The following ACOXL variants were observed in gnomAD, a reference collection of about 807,000 sequenced individuals.
The protein encoded by ACOXL is acyl-CoA oxidase like, also known as acyl-coenzyme A oxidase-like protein.
A neutral mutation model predicts 71.9 loss-of-function variants in ACOXL; 70 were observed. That is an observed-to-expected ratio of 0.97 (90% CI 0.80 to 1.19). The LOEUF is 1.19. Among genes scored for constraint, ACOXL ranks in the 50% most tolerant of loss-of-function variants. The pLI is 0.00. For missense variants in ACOXL, 703 were observed against 736.3 expected (o/e 0.95, Z 0.52); for synonymous variants, 253 against 281.6 (o/e 0.90, Z 1.02).
In ACOXL at chr2:111,049,249, G is replaced by T. The variant is rs745354323; in HGVS notation, c.1401G>T (p.Lys467Asn). Residue 467 changes from lysine (K) to asparagine (N), a missense_variant, in exon 16 of 18, where the codon AAG becomes AAT. Transcript: ENST00000439055. ...VTLEQFSLAV[K>N]SCPDQEDQTL... Reference sequence around the variant, plus strand: ...TAGAGCAGTTCTCCCTAGCAGTGAAGAGCTGTCCTGACCAAGAGGACCAGA... The same window carrying T: ...TAGAGCAGTTCTCCCTAGCAGTGAATAGCTGTCCTGACCAAGAGGACCAGA... 1 of 1,612,950 alleles carries T rather than the reference G, an allele frequency of 6.2e-7. No homozygotes were observed. The highest frequency in any genetic ancestry group is 1.7e-5 in the Admixed American group (1 of 60,022).
chr2:110,747,354 C>T (rs1415153683), intron 1 of ACOXL, among the ~76,000 whole-genome samples: 1 of 152,186 alleles, frequency 6.6e-6, no homozygotes, highest in Non-Finnish European at 1.5e-5. Context: ...TGCAAGCCAG[C>T]AGACTCAGCC....
At chr2:110,815,487 AGTGAG>A (rs1687808267) in intron 9 of ACOXL, among the ~76,000 whole-genome samples, 1 of 152,338 alleles carries the variant, frequency 6.6e-6, no homozygotes, top group East Asian at 1.9e-4. Context: ...ACAAAATCCA[AGTGAG>A]GTGCCTTGAA....
chr2:111,052,171 C>G (rs545083562), intron 16 of ACOXL, among the ~76,000 whole-genome samples: 22 of 152,324 alleles, frequency 1.4e-4, no homozygotes, highest in African/African-American at 5.3e-4. Flanking sequence ...GACAGGAAAA[C>G]AAGTGACTAG....
At chr2:110,978,899 G>T (rs1410129164) in intron 12 of ACOXL, among the ~76,000 whole-genome samples, 1 of 152,034 alleles carries the variant, frequency 6.6e-6, no homozygotes, top group Non-Finnish European at 1.5e-5. Flanking sequence ...CTTTTCAGTT[G>T]AAAAAAATTC....
At position 110,771,535 on chromosome 2, in the gene ACOXL, TGGACAGTCCGCAGGCCAA is replaced by T. The variant is rs1681932670; in HGVS notation, c.75+3073_75+3090del. Among the ~76,000 whole-genome samples, 4 of 152,344 alleles carry T rather than the reference TGGACAGTCCGCAGGCCAA, an allele frequency of 2.6e-5. No homozygotes were observed. In the South Asian group the frequency reaches 8.3e-4, roughly 32 times the overall value. On this transcript the variant is annotated intron_variant, in intron 2 of 17. Transcript: ENST00000439055. ...GAGTCTCATTCACTCCAGGTCTCTA[TGGACAGTCCGCAGGCCAA>T]GAATAAACCATTAAAATATTTCCAC...
chr2:110,881,137 ATATATT>A (rs1696588694), intron 10 of ACOXL, among the ~76,000 whole-genome samples: 1 of 151,780 alleles, frequency 6.6e-6, no homozygotes, highest in Admixed American at 6.6e-5. Context: ...GTTCATATAT[ATATATT>A]TATATGTATA....
chr2:111,054,222 A>C (rs1427510802), intron 16 of ACOXL, among the ~76,000 whole-genome samples: 1 of 152,194 alleles, frequency 6.6e-6, no homozygotes, highest in Non-Finnish European at 1.5e-5. Context: ...TAGGAAAATA[A>C]AGCTTGGCTT....
chr2:110,836,518 A>T (rs1482409973), intron 9 of ACOXL, among the ~76,000 whole-genome samples: 1 of 151,076 alleles, frequency 6.6e-6, no homozygotes, highest in African/African-American at 2.4e-5. Flanking sequence ...GAGTGGTATT[A>T]TGTGGGTGCC....
At chr2:111,078,946 A>G (rs1435326959) in intron 16 of ACOXL, among the ~76,000 whole-genome samples, 1 of 152,164 alleles carries the variant, frequency 6.6e-6, no homozygotes, top group Non-Finnish European at 1.5e-5. Context: ...TTGGCCCTCA[A>G]ACCTTTTGCA....
At chr2:110,874,430 A>T (rs1695647638) in intron 10 of ACOXL, among the ~76,000 whole-genome samples, 1 of 152,194 alleles carries the variant, frequency 6.6e-6, no homozygotes, top group Non-Finnish European at 1.5e-5. Flanking sequence ...TGGAGGGCGA[A>T]GCAAGGCAGA....
chr2:110,733,207 G>A (rs1676403057), intron 1 of ACOXL: 1 of 152,518 alleles, frequency 6.6e-6, no homozygotes, highest in Non-Finnish European at 1.5e-5. Context: ...GCACAGGGAT[G>A]GAGTGGCCCT....
At chr2:110,865,686 C>T (rs1694501404) in intron 10 of ACOXL, among the ~76,000 whole-genome samples, 1 of 152,232 alleles carries the variant, frequency 6.6e-6, no homozygotes, top group Admixed American at 6.5e-5. Context: ...CTTGCAGAGG[C>T]CAGCACTGCC....
At position 110,830,514 on chromosome 2, in the gene ACOXL, G is replaced by C. The variant is rs532491865; in HGVS notation, c.754-10857G>C. The stretch of plus-strand genomic sequence containing the variant: ...TTCTATATTCCTGGTAGAAGGCTCA[G>C]GTTTTTTGGGTTTGTTTTGTATAAT... On this transcript the variant is annotated intron_variant, in intron 9 of 17. Transcript: ENST00000439055. Among the ~76,000 whole-genome samples, 170 of 151,886 alleles carry C rather than the reference G, an allele frequency of 1.1e-3. 2 individuals carry two copies. Among genetic ancestry groups the C allele is most frequent in the African/African-American group, 3.5e-3 (147 of 41,436 alleles).
intron 13 of ACOXL, among the ~76,000 whole-genome samples, chr2:110,994,747 A>G (rs971085807): frequency 3.9e-5 from 6 of 152,102 alleles, no homozygotes; most frequent in African/African-American, 7.2e-5. Context: ...GCCAAATGGG[A>G]AAGATGGGAA....
At chr2:111,018,680 G>C (rs527529016) in intron 14 of ACOXL, among the ~76,000 whole-genome samples, 68 of 149,424 alleles carry the variant, frequency 4.6e-4, no homozygotes, top group African/African-American at 1.7e-3. Context: ...TGAGGATGCA[G>C]CCCGAGCTTG....
At chr2:110,886,827 T>C (rs1558676204) in intron 10 of ACOXL, 1 of 1,551,092 alleles carries the variant, frequency 6.4e-7, no homozygotes, top group Non-Finnish European at 8.7e-7. Flanking sequence ...AGCTGGTCTT[T>C]ATTGAGCCCC....
chr2:110,797,056 G>A (rs575561895), intron 5 of ACOXL, among the ~76,000 whole-genome samples: 2 of 152,314 alleles, frequency 1.3e-5, no homozygotes, highest in East Asian at 1.9e-4. Context: ...TGCCCCAGGT[G>A]CCCTGTATTC....
At chr2:110,906,570 G>A (rs1481922919) in intron 10 of ACOXL, among the ~76,000 whole-genome samples, 7 of 119,060 alleles carry the variant, frequency 5.9e-5, no homozygotes, top group Admixed American at 2.7e-4. Context: ...TATTATTATC[G>A]TACTTATTTT....
At chr2:110,832,310 G>A (rs1217615831) in intron 9 of ACOXL, among the ~76,000 whole-genome samples, 3 of 151,944 alleles carry the variant, frequency 2.0e-5, no homozygotes, top group Admixed American at 6.6e-5. Context: ...AGGCCGAGGC[G>A]GGTGGATCAT....
Sources: allele counts gnomAD v4.1 joint callset (sites outside exome capture counted in the v4.1 genomes callset), GRCh38; gene constraint gnomAD v4.1.1; transcripts MANE v1.5; gene names NCBI Gene and HGNC (gene_info 2026-07-23, HGNC 2026-07-21).